The following AGTPBP1 variants were observed in gnomAD, a reference collection of about 807,000 sequenced individuals.
AGTPBP1 encodes the protein ATP/GTP binding carboxypeptidase 1.
Under a neutral mutation model 143.9 loss-of-function variants are expected in AGTPBP1, and 70 were observed. The ratio of observed to expected loss-of-function variants is 0.49; its 90% confidence interval spans 0.40 to 0.59. The LOEUF is 0.59. Among genes scored for constraint, AGTPBP1 ranks in the 20% least tolerant of loss-of-function variants. AGTPBP1 has a pLI of 0.00. For synonymous variants in AGTPBP1, 463 were observed against 500.2 expected (o/e 0.93, Z 0.99); for missense variants, 1,229 against 1,464.5 (o/e 0.84, Z 2.62).
At chr9:85,626,518 C>T (rs1286571626) in intron 14 of AGTPBP1, among the ~76,000 whole-genome samples, 1 of 152,176 alleles carries the variant, frequency 6.6e-6, no homozygotes. Flanking sequence ...ACATAAGATG[C>T]AGAAGACTAG....
chr9:85,799,044 A>C, the AGTPBP1 span, among the ~76,000 whole-genome samples: 1 of 151,914 alleles, frequency 6.6e-6, no homozygotes, highest in South Asian at 2.1e-4. Flanking sequence ...AAATGTTCTC[A>C]TTGTTCAATT....
chr9:85,677,500 T>C lies in AGTPBP1; in HGVS notation c.372A>G (p.Glu124=). ...CCATTAAGTCCTCATGTGGGGGAGA[T>C]TCTTTGCTGGCATTCATAAGTAACT... The part of the protein sequence containing the change: ...LLQLLMNASK[E]SPPHEDLMVQ... Residue 124 remains glutamate (E), a synonymous_variant, in exon 6 of 26, where the codon GAA becomes GAG. Coordinates refer to ENST00000357081, the MANE Select transcript of AGTPBP1 (RefSeq NM_001330701.2). The C allele has an allele frequency of 1.2e-6, 2 of 1,604,510 alleles. No homozygotes were observed. Among genetic ancestry groups the C allele is most frequent in the Non-Finnish European group, 1.7e-6 (2 of 1,175,492 alleles).
rs528745957 is a variant in AGTPBP1, at chr9:85,584,641, TAGA to T, written c.3165+819_3165+821del. Among the ~76,000 whole-genome samples, 999 of 152,294 alleles carry T rather than the reference TAGA, an allele frequency of 6.6e-3. 9 individuals carry two copies. The highest frequency in any genetic ancestry group is 0.022 in the African/African-American group (934 of 41,554). On this transcript the variant is annotated intron_variant, in intron 23 of 25. Coordinates refer to ENST00000357081, the MANE Select transcript of AGTPBP1 (RefSeq NM_001330701.2). ...TGCCATTCTTACATGTAATCCTTTG[TAGA>T]AGAATCTGAAAAATTTGTAGAAATT... is the stretch of plus-strand genomic sequence containing the variant.
At chr9:85,744,914 G>C (rs138907885), upstream of AGTPBP1, among the ~76,000 whole-genome samples, 287 of 152,200 alleles carry the variant, frequency 1.9e-3, no homozygotes, top group African/African-American at 6.6e-3. Context: ...AAAACACAGA[G>C]CTAATTTCTA....
intron 17 of AGTPBP1, among the ~76,000 whole-genome samples, chr9:85,609,489 A>T (rs1316388899): frequency 6.6e-6 from 1 of 151,876 alleles, no homozygotes; most frequent in East Asian, 1.9e-4. Context: ...CACCATGTTG[A>T]CCAGGCTAGT....
intron 2 of AGTPBP1, among the ~76,000 whole-genome samples, chr9:85,694,043 T>A (rs965483046): frequency 2.0e-5 from 3 of 150,280 alleles, no homozygotes; most frequent in African/African-American, 7.4e-5. Flanking sequence ...AAGGTCAGAG[T>A]TGGGGGTAGG....
At chr9:85,802,298 T>C in the AGTPBP1 span, among the ~76,000 whole-genome samples, 3 of 152,102 alleles carry the variant, frequency 2.0e-5, no homozygotes, top group African/African-American at 7.2e-5. Context: ...CTTCTGAAAT[T>C]ATAAGGCCTC....
At chr9:85,716,293 T>C (rs190898156) in intron 1 of AGTPBP1, among the ~76,000 whole-genome samples, 18 of 152,314 alleles carry the variant, frequency 1.2e-4, no homozygotes, top group African/African-American at 4.3e-4. Flanking sequence ...TCTCCCAACC[T>C]CACTGACCAC....
intron 25 of AGTPBP1, among the ~76,000 whole-genome samples, chr9:85,559,275 T>C (rs1041615717): frequency 6.6e-6 from 1 of 152,116 alleles, no homozygotes; most frequent in Non-Finnish European, 1.5e-5. Flanking sequence ...AAATGACTTT[T>C]GTTTGGCAAT....
At chr9:85,610,304 G>T (rs1307945698) in intron 17 of AGTPBP1, among the ~76,000 whole-genome samples, 2 of 149,952 alleles carry the variant, frequency 1.3e-5, no homozygotes, top group African/African-American at 4.9e-5. Context: ...TCCAAGTAAT[G>T]GGGGGGTAAG....
chr9:85,727,268 AG>A (rs1838561250), intron 1 of AGTPBP1, among the ~76,000 whole-genome samples: 1 of 152,166 alleles, frequency 6.6e-6, no homozygotes, highest in African/African-American at 2.4e-5. Context: ...TGGAGGCTGA[AG>A]TGAGCCGAGA....
At chr9:85,581,516 A>G (rs1211431068) in intron 23 of AGTPBP1, among the ~76,000 whole-genome samples, 9 of 152,238 alleles carry the variant, frequency 5.9e-5, no homozygotes, top group African/African-American at 1.9e-4. Flanking sequence ...ATGTTGGTCT[A>G]TAGTTATAAT....
At chr9:85,636,558 C>G (rs1483744596) in intron 13 of AGTPBP1, among the ~76,000 whole-genome samples, 1 of 151,776 alleles carries the variant, frequency 6.6e-6, no homozygotes, top group Admixed American at 6.6e-5. Context: ...CACCTGGCCC[C>G]TAGTAGATAT....
rs542006671 is a variant in AGTPBP1 at position 85,562,354 on chromosome 9, C to G, written c.3503+12961G>C. Among the ~76,000 whole-genome samples, 67 of 152,020 alleles carry G rather than the reference C, an allele frequency of 4.4e-4. No individual in the cohort carries two copies. In the South Asian group the frequency reaches 6.6e-3, roughly 15 times the overall value. On this transcript the variant is annotated intron_variant, in intron 25 of 25. Coordinates refer to ENST00000357081, the MANE Select transcript of AGTPBP1 (RefSeq NM_001330701.2). ...AACTAAATGCTCTGATAAAGAATAA[C>G]TATATTCTGCTTAAAAGACATATTT...
intron 2 of AGTPBP1, among the ~76,000 whole-genome samples, chr9:85,707,559 G>T (rs1837090490): frequency 6.6e-6 from 1 of 152,024 alleles, no homozygotes; most frequent in Admixed American, 6.6e-5. Context: ...CACTATAAAT[G>T]CTAGACAGTA....
At chr9:85,570,689 T>C (rs1827401835) in intron 25 of AGTPBP1, among the ~76,000 whole-genome samples, 1 of 152,214 alleles carries the variant, frequency 6.6e-6, no homozygotes, top group African/African-American at 2.4e-5. Context: ...AGATTCTAGC[T>C]CAACACTCTG....
chr9:85,713,974 C>T (rs1837544581), intron 1 of AGTPBP1, among the ~76,000 whole-genome samples: 1 of 152,088 alleles, frequency 6.6e-6, no homozygotes, highest in South Asian at 2.1e-4. Context: ...ACTGTTGCTG[C>T]CACAAACAGA....
the AGTPBP1 span, among the ~76,000 whole-genome samples, chr9:85,800,469 C>A: frequency 6.6e-6 from 1 of 152,206 alleles, no homozygotes; most frequent in Non-Finnish European, 1.5e-5. Flanking sequence ...ACTCATCCAT[C>A]TGCTTTCCAC....
chr9:85,599,263 C>A (rs983338379), intron 17 of AGTPBP1, among the ~76,000 whole-genome samples: 1 of 152,120 alleles, frequency 6.6e-6, no homozygotes, highest in Non-Finnish European at 1.5e-5. Flanking sequence ...TACTTTCAAT[C>A]TCTGACCTTT....
Sources: gnomAD v4.1 joint callset for allele counts (sites outside exome capture counted in the v4.1 genomes callset) on GRCh38, gnomAD v4.1.1 for gene constraint, MANE v1.5 for transcripts, NCBI Gene and HGNC (gene_info 2026-07-23, HGNC 2026-07-21) for gene names.